The following LDLRAD4 variants were observed in gnomAD, a reference collection of about 807,000 sequenced individuals.
The protein encoded by LDLRAD4 is low density lipoprotein receptor class A domain containing 4.
Under a neutral mutation model 17.0 loss-of-function variants are expected in LDLRAD4, and 5 were observed. The ratio of observed to expected loss-of-function variants is 0.29; its 90% CI spans 0.15 to 0.62. The LOEUF is 0.62. Ranked by LOEUF, LDLRAD4 falls within the 20% of genes least tolerant of loss-of-function variation. The pLI is 0.84. For synonymous variants in LDLRAD4, 168 were observed against 171.8 expected (o/e 0.98, Z 0.17); for missense variants, 340 against 424.7 (o/e 0.80, Z 1.75).
In LDLRAD4 at chr18:13,310,015, A is replaced by C. The variant is rs764523488; in HGVS notation, c.-383+31827A>C. On this transcript the variant is annotated intron_variant, in intron 1 of 5. Coordinates refer to ENST00000359446, the Ensembl canonical transcript of LDLRAD4. Reference sequence around the variant, plus strand: ...CTCGGTGACAGTGTTGGGAATCTGCAGAATGGCTTTGTCCACTTCTTTCCT... The same window carrying C: ...CTCGGTGACAGTGTTGGGAATCTGCCGAATGGCTTTGTCCACTTCTTTCCT... Among the ~76,000 whole-genome samples, 51 of 152,124 alleles carry C rather than the reference A, an allele frequency of 3.4e-4. 1 individual carries two copies. The highest frequency in any genetic ancestry group is 7.4e-5 in the Non-Finnish European group (5 of 68,012).
At chr18:13,541,759 T>G (rs962857907) in intron 3 of LDLRAD4, among the ~76,000 whole-genome samples, 1 of 152,136 alleles carries the variant, frequency 6.6e-6, no homozygotes, top group African/African-American at 2.4e-5. Flanking sequence ...GAGAGTAATA[T>G]ATGAAAAAGA....
intron 2 of LDLRAD4, among the ~76,000 whole-genome samples, chr18:13,413,231 T>C (rs1282317287): frequency 6.6e-6 from 1 of 152,226 alleles, no homozygotes; most frequent in Non-Finnish European, 1.5e-5. Flanking sequence ...AGGCACTCCC[T>C]TTCCCACAGA....
chr18:13,556,920 A>G (rs1036311490), intron 3 of LDLRAD4, among the ~76,000 whole-genome samples: 26 of 152,150 alleles, frequency 1.7e-4, no homozygotes, highest in African/African-American at 6.0e-4. Flanking sequence ...ATGCTTTATA[A>G]AGGGTGATTA....
chr18:13,395,212 G>C (rs1308163813), intron 2 of LDLRAD4, among the ~76,000 whole-genome samples: 1 of 151,774 alleles, frequency 6.6e-6, no homozygotes, highest in Non-Finnish European at 1.5e-5. Context: ...CATTTGTAAA[G>C]TACCAAAACA....
chr18:13,235,398 G>A (rs1470602051), intron 1 of LDLRAD4, among the ~76,000 whole-genome samples: 2 of 152,182 alleles, frequency 1.3e-5, no homozygotes, highest in African/African-American at 4.8e-5. Context: ...GTTCAAAGTA[G>A]AGAAAATTAT....
At chr18:13,344,435 G>T (rs1224132450) in intron 1 of LDLRAD4, among the ~76,000 whole-genome samples, 1 of 152,054 alleles carries the variant, frequency 6.6e-6, no homozygotes, top group East Asian at 1.9e-4. Context: ...CTGTTCCATT[G>T]GTCTATATCT....
chr18:13,417,066 A>G (rs1410754622), intron 2 of LDLRAD4, among the ~76,000 whole-genome samples: 2 of 152,190 alleles, frequency 1.3e-5, no homozygotes, highest in East Asian at 3.8e-4. Flanking sequence ...CTCTTGCAGC[A>G]GTATCCACTC....
At chr18:13,438,496 T>A (rs2090817362) in intron 3 of LDLRAD4, 112 bp downstream of exon 4, 7 of 825,192 alleles carry the variant, frequency 8.5e-6, no homozygotes, top group Non-Finnish European at 1.4e-5. Context: ...AGGAAAGAGA[T>A]TTGCATTTTC....
At position 13,570,382 on chromosome 18, in the gene LDLRAD4, G is replaced by T. The variant is rs77344489; in HGVS notation, c.182-50735G>T. Among the ~76,000 whole-genome samples, 7 of 152,096 alleles carry T rather than the reference G, an allele frequency of 4.6e-5. No individual in the cohort carries two copies. In the East Asian group the frequency reaches 1.2e-3, roughly 25 times the overall value. On this transcript the variant is annotated intron_variant, in intron 3 of 5. Transcript: ENST00000359446. ...ACCAGCAGGCGGGAGCCCAGACGCC[G>T]GTCCACACAGGCAGTTATCAGGGCC...
intron 2 of LDLRAD4, among the ~76,000 whole-genome samples, chr18:13,418,356 T>A (rs369847517): frequency 3.9e-4 from 60 of 152,370 alleles, no homozygotes; most frequent in East Asian, 1.2e-3. Flanking sequence ...AGTCCTTTGA[T>A]CTGCCTCGCC....
chr18:13,359,520 A>T (rs192466327), intron 1 of LDLRAD4, among the ~76,000 whole-genome samples: 3 of 152,306 alleles, frequency 2.0e-5, no homozygotes, highest in Admixed American at 1.3e-4. Context: ...ACTTGGAAAA[A>T]AAAAAGCCAT....
At chr18:13,462,842 G>A (rs2092477608) in intron 3 of LDLRAD4, among the ~76,000 whole-genome samples, 1 of 152,164 alleles carries the variant, frequency 6.6e-6, no homozygotes, top group African/African-American at 2.4e-5. Context: ...GAGAGGTTCA[G>A]CCTTTCCAGT....
At chr18:13,542,114 T>G (rs967019250) in intron 3 of LDLRAD4, among the ~76,000 whole-genome samples, 3 of 152,204 alleles carry the variant, frequency 2.0e-5, no homozygotes, top group Non-Finnish European at 4.4e-5. Context: ...CAAGTTCTAC[T>G]TATATAACAG....
chr18:13,545,344 C>T (rs554071929), intron 3 of LDLRAD4, among the ~76,000 whole-genome samples: 39 of 152,304 alleles, frequency 2.6e-4, no homozygotes, highest in African/African-American at 9.1e-4. Flanking sequence ...GGACTCTGAT[C>T]TTTATGTCCA....
intron 3 of LDLRAD4, among the ~76,000 whole-genome samples, chr18:13,463,685 T>C (rs2146611984): frequency 6.6e-6 from 1 of 152,318 alleles, no homozygotes; most frequent in Middle Eastern, 3.4e-3. Context: ...CAACAGCGTA[T>C]AGCACCTTGG....
At chr18:13,402,594 G>A (rs2087327800) in intron 2 of LDLRAD4, among the ~76,000 whole-genome samples, 1 of 152,204 alleles carries the variant, frequency 6.6e-6, no homozygotes, top group Non-Finnish European at 1.5e-5. Context: ...AGTCCTAAGA[G>A]TTCTCATTTC....
chr18:13,246,878 G>T (rs779038269), intron 1 of LDLRAD4, among the ~76,000 whole-genome samples: 1 of 151,986 alleles, frequency 6.6e-6, no homozygotes, highest in Non-Finnish European at 1.5e-5. Flanking sequence ...AATAACAGGA[G>T]ATCTTTGTAA....
chr18:13,576,083 C>A (rs1242409036), intron 3 of LDLRAD4, among the ~76,000 whole-genome samples: 1 of 152,102 alleles, frequency 6.6e-6, no homozygotes, highest in African/African-American at 2.4e-5. Flanking sequence ...TGAAGCAAGT[C>A]TTTGGGGAGG....
exon 2 of LDLRAD4, chr18:13,387,381 A>G (rs532724324): frequency 8.1e-6 from 2 of 246,286 alleles, no homozygotes; most frequent in East Asian, 1.1e-4. Flanking sequence ...TGGGACAAGG[A>G]GCACCCGCGT....
Sources: allele counts gnomAD v4.1 joint callset (sites outside exome capture counted in the v4.1 genomes callset), GRCh38; gene constraint gnomAD v4.1.1; transcripts MANE v1.5; gene names NCBI Gene and HGNC (gene_info 2026-07-23, HGNC 2026-07-21).